The following NKAIN3 variants were observed in gnomAD, a reference collection of about 807,000 sequenced individuals.
NKAIN3 encodes the protein sodium/potassium transporting ATPase interacting 3.
NKAIN3 carries 25 observed loss-of-function variants against 30.2 expected under a neutral mutation model. That is an observed-to-expected ratio of 0.83 (90% confidence interval 0.60 to 1.16). NKAIN3 has a LOEUF of 1.16. Among genes scored for constraint, NKAIN3 ranks in the 50% most tolerant of loss-of-function variants. The pLI, the probability that NKAIN3 is intolerant of heterozygous loss-of-function variation, is 0.00. For synonymous variants in NKAIN3, 91 were observed against 89.6 expected, an observed-to-expected ratio of 1.02 and a Z score of -0.09; for missense variants, 225 against 254.1, an observed-to-expected ratio of 0.89 and a Z score of 0.78.
intron 4 of NKAIN3, among the ~76,000 whole-genome samples, chr8:62,807,996 T>G (rs186064490): frequency 2.2e-4 from 34 of 152,192 alleles, no homozygotes; most frequent in African/African-American, 7.9e-4. Context: ...GACATATACT[T>G]GATTTTAAAA....
chr8:62,904,696 C>T (rs557834619), intron 4 of NKAIN3, among the ~76,000 whole-genome samples: 5 of 152,322 alleles, frequency 3.3e-5, no homozygotes, highest in Admixed American at 1.3e-4. Flanking sequence ...CCTTACCTCA[C>T]TTTGCAATGC....
At chr8:62,483,976 C>T (rs981162236) in intron 1 of NKAIN3, among the ~76,000 whole-genome samples, 1 of 152,206 alleles carries the variant, frequency 6.6e-6, no homozygotes, top group African/African-American at 2.4e-5. Flanking sequence ...CAGACACAAT[C>T]AGCAAACAGA....
intron 3 of NKAIN3, among the ~76,000 whole-genome samples, chr8:62,681,343 A>C (rs1382620609): frequency 1.3e-5 from 2 of 152,208 alleles, no homozygotes; most frequent in African/African-American, 4.8e-5. Context: ...TTCCCTTCCT[A>C]AAGAAAAAAT....
chr8:62,321,335 A>T (rs951615192), intron 1 of NKAIN3, among the ~76,000 whole-genome samples: 1 of 152,154 alleles, frequency 6.6e-6, no homozygotes, highest in Non-Finnish European at 1.5e-5. Flanking sequence ...CAACTTGTCA[A>T]AGTCATTCTC....
chr8:62,314,524 G>A (rs532814316), intron 1 of NKAIN3, among the ~76,000 whole-genome samples: 3 of 152,272 alleles, frequency 2.0e-5, no homozygotes, highest in African/African-American at 7.2e-5. Context: ...TCTATTGACA[G>A]GAAGCTGATC....
intron 3 of NKAIN3, among the ~76,000 whole-genome samples, chr8:62,644,573 T>C (rs1812400791): frequency 6.6e-6 from 1 of 152,088 alleles, no homozygotes; most frequent in Non-Finnish European, 1.5e-5. Context: ...TTTAGGAACT[T>C]TTTAAAGGTT....
chr8:62,974,538 T>C lies in NKAIN3; in HGVS notation c.*9131T>C, dbSNP rs550862049. On this transcript the variant is annotated 3_prime_UTR_variant, in exon 7 of 7. Coordinates refer to ENST00000623646, the MANE Select transcript of NKAIN3 (RefSeq NM_001304533.3). ...TATCCTGCAACTTTGCTGAAATTGC[T>C]TATCTCTTTAAGGAGTTTTGGGGTT... Among the ~76,000 whole-genome samples, 1 of 152,348 alleles carries C rather than the reference T, an allele frequency of 6.6e-6. No individual in the cohort carries two copies. Among genetic ancestry groups the C allele is most frequent in the African/African-American group, 2.4e-5 (1 of 41,582 alleles).
intron 1 of NKAIN3, among the ~76,000 whole-genome samples, chr8:62,524,671 G>T (rs930269856): frequency 6.6e-6 from 1 of 152,114 alleles, no homozygotes; most frequent in Non-Finnish European, 1.5e-5. Context: ...TCCTTCTGAG[G>T]TAGCTACTTA....
At chr8:62,336,658 C>T (rs1475626559) in intron 1 of NKAIN3, among the ~76,000 whole-genome samples, 2 of 151,918 alleles carry the variant, frequency 1.3e-5, no homozygotes, top group Non-Finnish European at 2.9e-5. Flanking sequence ...CGGTTTTCTA[C>T]TGTTGTGTAA....
chr8:62,576,492 T>C (rs1007088429), intron 1 of NKAIN3, among the ~76,000 whole-genome samples: 2 of 152,100 alleles, frequency 1.3e-5, no homozygotes, highest in South Asian at 2.1e-4. Flanking sequence ...CTGGACCGAA[T>C]GCTTTCTATT....
chr8:62,423,608 C>G (rs921884566), intron 1 of NKAIN3, among the ~76,000 whole-genome samples: 2 of 151,638 alleles, frequency 1.3e-5, no homozygotes, highest in African/African-American at 4.8e-5. Flanking sequence ...CTATTTTTGG[C>G]TTCTTCGCAA....
intron 1 of NKAIN3, among the ~76,000 whole-genome samples, chr8:62,353,547 A>G (rs1214649864): frequency 6.6e-6 from 1 of 152,222 alleles, no homozygotes; most frequent in Non-Finnish European, 1.5e-5. Context: ...CTGTTTTTTA[A>G]GGAAATTAAA....
chr8:62,330,997 T>C (rs969901140), intron 1 of NKAIN3, among the ~76,000 whole-genome samples: 3 of 144,732 alleles, frequency 2.1e-5, no homozygotes, highest in Non-Finnish European at 4.4e-5. Flanking sequence ...TCTCTCTCTC[T>C]CTTTCTCTCT....
intron 1 of NKAIN3, among the ~76,000 whole-genome samples, chr8:62,404,355 T>C (rs551262039): frequency 1.1e-4 from 17 of 152,118 alleles, no homozygotes; most frequent in Non-Finnish European, 1.8e-4. Flanking sequence ...AGGGGAGGAA[T>C]GATATGGTTT....
intron 4 of NKAIN3, among the ~76,000 whole-genome samples, chr8:62,802,470 T>G (rs190920702): frequency 6.6e-6 from 1 of 151,950 alleles, no homozygotes; most frequent in East Asian, 1.9e-4. Context: ...ATATTCAACA[T>G]TCTTATAGAA....
At chr8:62,794,242 A>G (rs1817788422) in intron 4 of NKAIN3, among the ~76,000 whole-genome samples, 1 of 152,188 alleles carries the variant, frequency 6.6e-6, no homozygotes, top group African/African-American at 2.4e-5. Context: ...CATCAAAATG[A>G]GCTGATTTTT....
Position 62,759,077 on chromosome 8 carries a change from CA to C in NKAIN3, c.471+11949del, listed in dbSNP as rs140763461. Among the ~76,000 whole-genome samples, 958 of 152,186 alleles carry C rather than the reference CA, an allele frequency of 6.3e-3. 11 individuals are homozygous for C. The highest frequency in any genetic ancestry group is 0.031 in the South Asian group (150 of 4,818). ...TCTATAACCTGTAAAACAATGAAAA[CA>C]CAAAGTAATCTTTTAAAAATTACAT... is the stretch of plus-strand genomic sequence containing the variant. On this transcript the variant is annotated intron_variant, in intron 4 of 6. Coordinates refer to ENST00000623646, the MANE Select transcript of NKAIN3 (RefSeq NM_001304533.3).
rs148744087 is a variant in NKAIN3, at chr8:62,471,268, T to C, written c.55-108271T>C. Among the ~76,000 whole-genome samples, 286 of 151,982 alleles carry C rather than the reference T, an allele frequency of 1.9e-3. 1 individual carries two copies. Among genetic ancestry groups the C allele is most frequent in the Middle Eastern group, 6.8e-3 (2 of 294 alleles). On this transcript the variant is annotated intron_variant, in intron 1 of 6. Coordinates refer to ENST00000623646, the MANE Select transcript of NKAIN3 (RefSeq NM_001304533.3). ...GGGAGGGCGGGTTAAAGGATGAGAG[T>C]AGCACTTTAGCAATATCTGTAACAA...
At chr8:62,297,331 T>C (rs1813867638) in intron 1 of NKAIN3, among the ~76,000 whole-genome samples, 1 of 151,990 alleles carries the variant, frequency 6.6e-6, no homozygotes, top group Non-Finnish European at 1.5e-5. Flanking sequence ...TGGGATCTAA[T>C]TAAACTAAAG....
Sources: allele counts gnomAD v4.1 joint callset (sites outside exome capture counted in the v4.1 genomes callset), GRCh38; gene constraint gnomAD v4.1.1; transcripts MANE v1.5; gene names NCBI Gene and HGNC (gene_info 2026-07-23, HGNC 2026-07-21).